Variants in SORCS2 observed in about 807,000 individuals in gnomAD.
The protein encoded by SORCS2 is sortilin related VPS10 domain containing receptor 2.
A neutral mutation model predicts 141.6 loss-of-function variants in SORCS2; 100 were observed. The ratio of observed to expected loss-of-function variants is 0.71; its 90% confidence interval spans 0.60 to 0.83. SORCS2 has a LOEUF of 0.83. Ranked by LOEUF, SORCS2 falls within the 40% of genes least tolerant of loss-of-function variation. The pLI is 0.00. For synonymous variants in SORCS2, 789 were observed against 676.9 expected, an observed-to-expected ratio of 1.17 and a Z score of -2.57; for missense variants, 1,646 against 1,560.2, an observed-to-expected ratio of 1.05 and a Z score of -0.93.
chr4:7,367,417 C>T (rs1425855005), intron 1 of SORCS2, among the ~76,000 whole-genome samples: 2 of 152,264 alleles, frequency 1.3e-5, no homozygotes, highest in Admixed American at 6.5e-5. Context: ...CATGTAATGT[C>T]TCTGAGTCTC....
chr4:7,737,379 G>T (rs1196707607), intron 26 of SORCS2, among the ~76,000 whole-genome samples: 2 of 152,202 alleles, frequency 1.3e-5, no homozygotes, highest in Non-Finnish European at 1.5e-5. Context: ...GCTGCCGGCA[G>T]AGATGAAATC....
chr4:7,422,871 G>A (rs1167421299), intron 2 of SORCS2, among the ~76,000 whole-genome samples: 1 of 152,194 alleles, frequency 6.6e-6, no homozygotes, highest in Non-Finnish European at 1.5e-5. Context: ...GGGCTTCTCA[G>A]CACACCCGGA....
At chr4:7,555,317 CAGCATCCTG>C (rs887487468) in intron 3 of SORCS2, among the ~76,000 whole-genome samples, 1 of 152,244 alleles carries the variant, frequency 6.6e-6, no homozygotes, top group African/African-American at 2.4e-5. Flanking sequence ...TAAAAGCAGG[CAGCATCCTG>C]AGGGCACTTT....
At chr4:7,386,217 A>G (rs201107328) in intron 1 of SORCS2, among the ~76,000 whole-genome samples, 1 of 101,140 alleles carries the variant, frequency 9.9e-6, no homozygotes, top group Admixed American at 9.8e-5. Context: ...ACACACGCAC[A>G]CACATGCCCA....
rs368912011 is a variant in SORCS2 at position 7,487,017 on chromosome 4, T to A, written c.549-44513T>A. On this transcript the variant is annotated intron_variant, in intron 2 of 26. Transcript: ENST00000507866. The stretch of plus-strand genomic sequence containing the variant: ...CGACCTCAGCGGGAAGCGGCTGCAT[T>A]TGCAGGCTGCCTGTCTACGGGGTGT... Among the ~76,000 whole-genome samples, 5 of 152,316 alleles carry A rather than the reference T, an allele frequency of 3.3e-5. No individual in the cohort carries two copies. The East Asian group carries it at 5.8e-4, about 18-fold the overall frequency.
chr4:7,427,648 A>T (rs10937818), intron 2 of SORCS2, among the ~76,000 whole-genome samples: 25,559 of 152,030 alleles, frequency 0.17, 2,711 homozygotes, highest in East Asian at 0.47. Context: ...GGGTGCTGGG[A>T]TCTGCTTCGT....
At chr4:7,332,754 C>T (rs1473315232) in intron 1 of SORCS2, among the ~76,000 whole-genome samples, 2 of 152,216 alleles carry the variant, frequency 1.3e-5, no homozygotes, top group Non-Finnish European at 1.5e-5. Context: ...GCTCCCAGCG[C>T]TGCCTGTGGA....
rs183786438 is a variant in SORCS2 at position 7,351,723 on chromosome 4, A to G, written c.481-44565A>G. On this transcript the variant is annotated intron_variant, in intron 1 of 26. Transcript: ENST00000507866. Reference sequence around the variant, plus strand: ...CATCCATCCATCCTTCTACCCATCCATCTTCCCATCTATTCCTCTCTCTCT... The same window carrying G: ...CATCCATCCATCCTTCTACCCATCCGTCTTCCCATCTATTCCTCTCTCTCT... Among the ~76,000 whole-genome samples, 577 of 147,414 alleles carry G rather than the reference A, an allele frequency of 3.9e-3. 3 individuals are homozygous for G. Among genetic ancestry groups the G allele is most frequent in the African/African-American group, 0.014 (537 of 39,740 alleles).
At position 7,642,723 on chromosome 4, in the gene SORCS2, C is replaced by T. The variant is rs560441706; in HGVS notation, c.813+4231C>T. ...CAAGCATTATTTCTTCTTCCTGGGGCTCTGTGGGTGCCCAGAGGCTCTGCT... is the reference window on the plus strand; with the variant it reads ...CAAGCATTATTTCTTCTTCCTGGGGTTCTGTGGGTGCCCAGAGGCTCTGCT... On this transcript the variant is annotated intron_variant, in intron 4 of 26. Transcript: ENST00000507866. Among the ~76,000 whole-genome samples the T allele has an allele frequency of 3.3e-5, 5 of 152,272 alleles. No individual in the cohort carries two copies. The South Asian group carries it at 1.0e-3, about 32-fold the overall frequency.
intron 1 of SORCS2, among the ~76,000 whole-genome samples, chr4:7,250,551 G>A (rs1201454304): frequency 6.6e-6 from 1 of 152,232 alleles, no homozygotes; most frequent in Non-Finnish European, 1.5e-5. Context: ...GGATCCTGTG[G>A]AATAACTACG....
intron 2 of SORCS2, among the ~76,000 whole-genome samples, chr4:7,519,227 G>A (rs148496301): frequency 6.6e-5 from 10 of 152,114 alleles, no homozygotes; most frequent in Middle Eastern, 3.2e-3. Flanking sequence ...GCTCGGCCTC[G>A]TTCACCGTGG....
chr4:7,475,642 C>G (rs536428879), intron 2 of SORCS2, among the ~76,000 whole-genome samples: 1 of 152,372 alleles, frequency 6.6e-6, no homozygotes, highest in Non-Finnish European at 1.5e-5. Context: ...GGAATCAGAA[C>G]TCGTGACTGT....
chr4:7,631,051 T>TC (rs1328807137), intron 3 of SORCS2, among the ~76,000 whole-genome samples: 1 of 77,088 alleles, frequency 1.3e-5, no homozygotes, highest in Non-Finnish European at 3.2e-5. Flanking sequence ...CCTTTTCTTT[T>TC]TTTTTTTTTT....
At chr4:7,472,874 A>G (rs1384884798) in intron 2 of SORCS2, among the ~76,000 whole-genome samples, 1 of 152,038 alleles carries the variant, frequency 6.6e-6, no homozygotes, top group Non-Finnish European at 1.5e-5. Context: ...CAGATGGTGA[A>G]GAAGAAATCA....
Position 7,734,300 on chromosome 4 carries a change from C to G in SORCS2, c.3237C>G (p.Gly1079=), listed in dbSNP as rs374977419. 1 of 1,603,410 alleles carries G rather than the reference C, an allele frequency of 6.2e-7. No homozygotes were observed. Among genetic ancestry groups the G allele is most frequent in the East Asian group, 2.2e-5 (1 of 44,476 alleles). ...TGAEQLGGGG[G]YWAVVVLFVI... is the part of the protein sequence containing the mutation. ...CTGAGCAGCTGGGCGGCGGTGGCGG[C>G]TACTGGGCGGTAGTGGTGCTGTTTG... is the stretch of plus-strand genomic sequence containing the variant. Residue 1079 remains glycine, a synonymous_variant, in exon 25 of 27, where the codon GGC becomes GGG. Transcript: ENST00000507866.
At chr4:7,255,790 T>C (rs1021541163) in intron 1 of SORCS2, among the ~76,000 whole-genome samples, 1 of 151,878 alleles carries the variant, frequency 6.6e-6, no homozygotes, top group Admixed American at 6.6e-5. Flanking sequence ...AGAGCGGCTG[T>C]GCAGTGGGGC....
At chr4:7,540,619 C>T (rs1011355949) in intron 3 of SORCS2, among the ~76,000 whole-genome samples, 6 of 152,226 alleles carry the variant, frequency 3.9e-5, no homozygotes, top group African/African-American at 1.4e-4. Flanking sequence ...CATCCTGCTG[C>T]GCAGTTCTTC....
chr4:7,290,468 C>T (rs1716528676), intron 1 of SORCS2, among the ~76,000 whole-genome samples: 2 of 152,154 alleles, frequency 1.3e-5, no homozygotes, highest in South Asian at 4.1e-4. Flanking sequence ...TTTTTCCCTT[C>T]CTGGATTTTT....
intron 1 of SORCS2, among the ~76,000 whole-genome samples, chr4:7,227,219 C>T (rs189264953): frequency 4.5e-4 from 68 of 152,356 alleles, no homozygotes; most frequent in South Asian, 3.3e-3. Flanking sequence ...TCAGGCCTCT[C>T]GAGACCTGCC....
Sources: allele counts gnomAD v4.1 joint callset (sites outside exome capture counted in the v4.1 genomes callset), GRCh38; gene constraint gnomAD v4.1.1; transcripts MANE v1.5; gene names NCBI Gene and HGNC (gene_info 2026-07-23, HGNC 2026-07-21).